Variants in GUCA1B observed in about 807,000 individuals in gnomAD.
The protein encoded by GUCA1B is guanylate cyclase activator 1B.
Under a neutral mutation model 24.2 loss-of-function variants are expected in GUCA1B, and 22 were observed. The ratio of observed to expected loss-of-function variants is 0.91; its 90% CI spans 0.65 to 1.30. The LOEUF is 1.30. GUCA1B is among the 50% of genes most tolerant of loss of function. The pLI, the probability that GUCA1B is intolerant of heterozygous loss-of-function variation, is 0.00. For missense variants in GUCA1B, 221 were observed against 258.8 expected (o/e 0.85, Z 1.00); for synonymous variants, 100 against 97.9 (o/e 1.02, Z -0.13).
chr6:42,191,865 C>G (rs1426597805), intron 1 of GUCA1B, among the ~76,000 whole-genome samples: 1 of 152,074 alleles, frequency 6.6e-6, no homozygotes, highest in Non-Finnish European at 1.5e-5. Flanking sequence ...AACATCACAT[C>G]AGTGGCAATT....
intron 3 of GUCA1B, 76 bp downstream of exon 3, chr6:42,185,604 T>C (rs1768179125): frequency 1.1e-6 from 1 of 904,330 alleles, no homozygotes; most frequent in Non-Finnish European, 1.8e-6. Flanking sequence ...GTGGAGGGCC[T>C]TGCCCAAGGA....
chr6:42,184,095 CTTTT>C lies in GUCA1B; in HGVS notation c.*716_*719del, dbSNP rs781581603. On this transcript the variant is annotated 3_prime_UTR_variant, in exon 4 of 4. Transcript: ENST00000230361. Reference sequence around the variant, plus strand: ...AAAACTCCTGCCTTTTCTTTTCTTTCTTTTTTTTTTTTTGAGACGGAGTCTCACT... The same window carrying C: ...AAAACTCCTGCCTTTTCTTTTCTTTCTTTTTTTTTGAGACGGAGTCTCACT... Among the ~76,000 whole-genome samples the C allele has an allele frequency of 7.1e-6, 1 of 141,250 alleles. No homozygotes were observed. Among genetic ancestry groups the C allele is most frequent in the Non-Finnish European group, 1.5e-5 (1 of 65,652 alleles). 92.7% of individuals were successfully genotyped at this position (141,250 alleles called of 152,430 possible).
intron 1 of GUCA1B, among the ~76,000 whole-genome samples, chr6:42,192,970 T>A (rs1274857422): frequency 2.0e-5 from 3 of 152,174 alleles, no homozygotes; most frequent in African/African-American, 7.2e-5. Context: ...TATGTATAAA[T>A]TATGTATCAT....
At chr6:42,187,614 G>T (rs1413516882) in intron 2 of GUCA1B, among the ~76,000 whole-genome samples, 8 of 150,452 alleles carry the variant, frequency 5.3e-5, no homozygotes, top group Non-Finnish European at 1.5e-5. Context: ...GTAGAGATGG[G>T]GTCTTACTAT....
chr6:42,194,811 C>T lies in GUCA1B; in HGVS notation c.10G>A (p.Glu4Lys). The T allele has an allele frequency of 6.4e-7, 1 of 1,564,014 alleles. No homozygotes were observed. Among genetic ancestry groups the T allele is most frequent in the South Asian group, 1.2e-5 (1 of 85,656 alleles). MGQ[E>K]FSWEEAEAAG... Reference sequence around the variant, plus strand: ...GCCTCCGCCTCCTCCCAGCTAAACTCCTGCCCCATGCTAGCCCTGAGGAGC... The same window carrying T: ...GCCTCCGCCTCCTCCCAGCTAAACTTCTGCCCCATGCTAGCCCTGAGGAGC... Residue 4 changes from glutamate to lysine, a missense_variant, in exon 1 of 4, where the codon GAG (glutamate) becomes AAG (lysine). Coordinates refer to ENST00000230361, the MANE Select transcript of GUCA1B (RefSeq NM_002098.6).
Position 42,188,661 on chromosome 6 carries a change from T to C in GUCA1B, c.278A>G (p.Lys93Arg). Residue 93 changes from lysine (K) to arginine (R), a missense_variant, in exon 2 of 4, where the codon AAG (lysine) becomes AGG (arginine). Physicochemically the swap from Lys to Arg is conservative, Grantham distance 26. Coordinates refer to ENST00000230361, the MANE Select transcript of GUCA1B (RefSeq NM_002098.6). ...NLVLRGTLEH[K>R]LKWTFKIYDK... Reference sequence around the variant, plus strand: ...ATAGATCTTGAATGTCCACTTCAGCTTGTGCTCCAGGGTGCCCCTCAGCAC... The same window carrying C: ...ATAGATCTTGAATGTCCACTTCAGCCTGTGCTCCAGGGTGCCCCTCAGCAC... 1 of 1,614,086 alleles carries C rather than the reference T, an allele frequency of 6.2e-7. No individual in the cohort carries two copies. Among genetic ancestry groups the C allele is most frequent in the African/African-American group, 1.3e-5 (1 of 75,034 alleles).
chr6:42,194,874 T>G lies in GUCA1B; in HGVS notation c.-54A>C, dbSNP rs184508322. The G allele has an allele frequency of 2.6e-4, 332 of 1,288,230 alleles. 1 individual carries two copies. In the African/African-American group the frequency reaches 2.8e-3, roughly 11 times the overall value. 79.8% of individuals were successfully genotyped at this position (1,288,230 alleles called of 1,614,324 possible). A position where few individuals can be genotyped will look rare whatever the true frequency, so the allele number is the denominator to read the frequency against. ...GGGTCTGTATCTCCTCCCTGGCTTC[T>G]GCTGATGGATCTCTCCAACTAGGGC... is the stretch of plus-strand genomic sequence containing the variant. On this transcript the variant is annotated 5_prime_UTR_variant, in exon 1 of 4. Coordinates refer to ENST00000230361, the MANE Select transcript of GUCA1B (RefSeq NM_002098.6).
chr6:42,186,069 C>G (rs758159966), intron 2 of GUCA1B, among the ~76,000 whole-genome samples: 2 of 152,182 alleles, frequency 1.3e-5, no homozygotes, highest in African/African-American at 4.8e-5. Flanking sequence ...AAGCCCAAAT[C>G]CAAAACCTCT....
intron 1 of GUCA1B, among the ~76,000 whole-genome samples, chr6:42,193,955 C>T (rs573557008): frequency 1.3e-5 from 2 of 152,034 alleles, no homozygotes; most frequent in African/African-American, 4.8e-5. Context: ...AAATTCAATC[C>T]CCTGGTGCAT....
Position 42,185,615 on chromosome 6 carries a change from C to T in GUCA1B, c.475+65G>A, listed in dbSNP as rs770227852. On this transcript the variant is annotated intron_variant, in intron 3 of 3. Coordinates refer to ENST00000230361, the MANE Select transcript of GUCA1B (RefSeq NM_002098.6). The stretch of plus-strand genomic sequence containing the variant: ...GAAGGTGGAGGGCCTTGCCCAAGGA[C>T]GTGCGGCCAGAAAGTGGCGATGATG... The T allele has an allele frequency of 5.8e-4, 575 of 985,964 alleles. 3 individuals carry two copies. Among genetic ancestry groups the T allele is most frequent in the Middle Eastern group, 2.2e-3 (10 of 4,480 alleles). The allele number at this position is 985,964 out of a possible 1,614,324, so 61.1% of individuals were successfully genotyped here. A position where few individuals can be genotyped will look rare whatever the true frequency, so the allele number is the denominator to read the frequency against.
At chr6:42,187,322 T>G (rs1768210834) in intron 2 of GUCA1B, among the ~76,000 whole-genome samples, 1 of 152,116 alleles carries the variant, frequency 6.6e-6, no homozygotes, top group Admixed American at 6.5e-5. Flanking sequence ...GCCAGAATGG[T>G]CTCGATCTCC....
At chr6:42,190,192 T>C (rs997997016) in intron 1 of GUCA1B, among the ~76,000 whole-genome samples, 1 of 152,228 alleles carries the variant, frequency 6.6e-6, no homozygotes, top group African/African-American at 2.4e-5. Flanking sequence ...CCTTAGTACC[T>C]GAAGTGTTCT....
In GUCA1B at chr6:42,184,946, A is replaced by T. The variant is rs769546531; in HGVS notation, c.476-4T>A. 7.4e-6 allele frequency: 12 copies of T among 1,614,036 alleles called. No individual in the cohort carries two copies. Among genetic ancestry groups the T allele is most frequent in the Admixed American group, 6.7e-5 (4 of 60,026 alleles). Reference sequence around the variant, plus strand: ...AACTCGTTCAGAGACAGCTGGCCTGAGCAAGGGGGAGGAGAGGTGGTCATG... The same window carrying T: ...AACTCGTTCAGAGACAGCTGGCCTGTGCAAGGGGGAGGAGAGGTGGTCATG... On this transcript the variant is annotated splice_region_variant and splice_polypyrimidine_tract_variant and intron_variant, in intron 3 of 3. Coordinates refer to ENST00000230361, the MANE Select transcript of GUCA1B (RefSeq NM_002098.6).
chr6:42,186,736 A>G (rs1306825988), intron 2 of GUCA1B, among the ~76,000 whole-genome samples: 1 of 152,186 alleles, frequency 6.6e-6, no homozygotes, highest in Non-Finnish European at 1.5e-5. Flanking sequence ...TGCTCAGCCC[A>G]GTGCCCAGCA....
intron 1 of GUCA1B, among the ~76,000 whole-genome samples, chr6:42,192,960 T>A (rs770502296): frequency 4.6e-5 from 7 of 152,298 alleles, no homozygotes; most frequent in Admixed American, 2.0e-4. Flanking sequence ...AAAAAAAGTA[T>A]ATGTATAAAT....
At chr6:42,188,927 C>CTATA (rs1768254187) in intron 1 of GUCA1B, among the ~76,000 whole-genome samples, 196 bp from the exon 2 acceptor site, 1 of 120,866 alleles carries the variant, frequency 8.3e-6, no homozygotes, top group African/African-American at 3.7e-5. Flanking sequence ...CTCTCTCTCT[C>CTATA]TCTCTATCTG....
chr6:42,187,236 C>G (rs1219933213), intron 2 of GUCA1B, among the ~76,000 whole-genome samples: 3 of 152,032 alleles, frequency 2.0e-5, no homozygotes, highest in African/African-American at 7.2e-5. Context: ...TTCCGAGTAG[C>G]TGGGACTATA....
intron 3 of GUCA1B, 141 bp downstream of exon 3, chr6:42,185,539 G>A (rs1020146917): frequency 8.6e-6 from 6 of 694,086 alleles, no homozygotes; most frequent in Non-Finnish European, 1.6e-5. Flanking sequence ...CCCTTTGTTA[G>A]TTCATGACAT....
chr6:42,185,452 T>C (rs1040376358), intron 3 of GUCA1B, among the ~76,000 whole-genome samples: 3 of 152,220 alleles, frequency 2.0e-5, no homozygotes, highest in African/African-American at 4.8e-5. Context: ...TCCTATTCTT[T>C]CTATTCTGCG....
Sources: allele counts gnomAD v4.1 joint callset (sites outside exome capture counted in the v4.1 genomes callset), GRCh38; gene constraint gnomAD v4.1.1; transcripts MANE v1.5; gene names NCBI Gene and HGNC (gene_info 2026-07-23, HGNC 2026-07-21).